The following FAM167A variants were observed in gnomAD, a reference collection of about 807,000 sequenced individuals.
FAM167A encodes family with sequence similarity 167 member A.
In FAM167A, 23 loss-of-function variants were observed where a neutral mutation model predicts 14.9. The ratio of observed to expected loss-of-function variants is 1.55; its 90% CI spans 1.11 to 2.19. The LOEUF (loss-of-function observed/expected upper bound fraction) is 2.19, where lower values mean the gene tolerates loss of function less well. Among genes scored for constraint, FAM167A ranks in the 30% most tolerant of loss-of-function variants. The probability of loss-of-function intolerance (pLI) is 0.00; values close to 1 mark genes in which losing one functional copy is unlikely to be tolerated. For missense variants in FAM167A, 401 were observed against 281.5 expected (o/e 1.42, Z -3.04); for synonymous variants, 174 against 117.7 (o/e 1.48, Z -3.10).
At position 11,422,373 on chromosome 8, in the gene FAM167A, G is replaced by GGGGGTGTGTGTGTGT. The variant is rs878997464; in HGVS notation, c.*1999_*2000insACACACACACACCCC. 3.3e-5 allele frequency: 4 copies of GGGGGTGTGTGTGTGT among 120,194 alleles called. No individual in the cohort carries two copies. Among genetic ancestry groups the GGGGGTGTGTGTGTGT allele is most frequent in the Admixed American group, 8.1e-5 (1 of 12,284 alleles). 7.4% of individuals were successfully genotyped at this position (120,194 alleles called of 1,614,324 possible). A position where few individuals can be genotyped will look rare whatever the true frequency, so the allele number is the denominator to read the frequency against. On this transcript the variant is annotated 3_prime_UTR_variant, in exon 3 of 3. Coordinates refer to ENST00000284486, the MANE Select transcript of FAM167A (RefSeq NM_053279.3). ...TCTCTGTCGTGTGTGTGTGTGTGGGGGTGTGTGTGTGTGTGTGTGTGTGTG... is the reference window on the plus strand; with the variant it reads ...TCTCTGTCGTGTGTGTGTGTGTGGGGGGGGTGTGTGTGTGTGTGTGTGTGTGTGTGTGTGTGTGTG...
At chr8:11,426,389 G>C (rs1186367284) in intron 2 of FAM167A, among the ~76,000 whole-genome samples, 34 of 152,162 alleles carry the variant, frequency 2.2e-4, no homozygotes, top group Admixed American at 2.2e-3. Flanking sequence ...CCTGGCCCAT[G>C]GTCACTTACA....
At chr8:11,475,362 C>T (rs1797843150) in intron 1 of FAM167A, among the ~76,000 whole-genome samples, 1 of 152,168 alleles carries the variant, frequency 6.6e-6, no homozygotes, top group South Asian at 2.1e-4. Flanking sequence ...GATCTGTTGG[C>T]AATTGCAAAT....
chr8:11,428,957 G>C (rs995504238), intron 2 of FAM167A, among the ~76,000 whole-genome samples: 8 of 152,182 alleles, frequency 5.3e-5, no homozygotes, highest in Middle Eastern at 3.2e-3. Flanking sequence ...TTTTTTTCTA[G>C]TTGTGATAAA....
At chr8:11,460,590 C>T (rs897930499) in intron 1 of FAM167A, among the ~76,000 whole-genome samples, 1 of 152,242 alleles carries the variant, frequency 6.6e-6, no homozygotes, top group Non-Finnish European at 1.5e-5. Flanking sequence ...TAGAAGCTTC[C>T]GTTTCCACAC....
intron 1 of FAM167A, among the ~76,000 whole-genome samples, chr8:11,456,061 CTG>C (rs1314777056): frequency 1.1e-5 from 1 of 94,214 alleles, no homozygotes; most frequent in Admixed American, 1.2e-4. Flanking sequence ...GGTTGCCTTG[CTG>C]TGTGTGAGTG....
At chr8:11,473,330 GA>G (rs1362458717) in intron 1 of FAM167A, among the ~76,000 whole-genome samples, 1 of 152,194 alleles carries the variant, frequency 6.6e-6, no homozygotes, top group African/African-American at 2.4e-5. Flanking sequence ...CTGTCATCAG[GA>G]AGGCCGAGAC....
intron 2 of FAM167A, among the ~76,000 whole-genome samples, chr8:11,427,859 A>G (rs10088942): frequency 0.29 from 43,967 of 152,158 alleles, 6,881 homozygotes; most frequent in African/African-American, 0.37. Context: ...ATTTATTGCT[A>G]ATTAAATTCT....
chr8:11,456,711 G>A (rs1477334297), intron 1 of FAM167A, among the ~76,000 whole-genome samples: 4 of 151,604 alleles, frequency 2.6e-5, no homozygotes, highest in African/African-American at 7.3e-5. Context: ...TGTTAGGGAT[G>A]TAGGTGTGGC....
At chr8:11,466,332 A>C (rs1807764739) in intron 1 of FAM167A, among the ~76,000 whole-genome samples, 1 of 151,944 alleles carries the variant, frequency 6.6e-6, no homozygotes, top group African/African-American at 2.4e-5. Context: ...CAGACCCCGA[A>C]CCTCCACCCA....
Position 11,424,228 on chromosome 8 carries a change from G to A in FAM167A, c.*145C>T, listed in dbSNP as rs534004738. On this transcript the variant is annotated 3_prime_UTR_variant, in exon 3 of 3. Coordinates refer to ENST00000284486, the MANE Select transcript of FAM167A (RefSeq NM_053279.3). Reference sequence around the variant, plus strand: ...GGCCCCTGGGTGGGAGAGCACCACTGAATAGGTCCTGGGGCCCTTGAGTCG... The same window carrying A: ...GGCCCCTGGGTGGGAGAGCACCACTAAATAGGTCCTGGGGCCCTTGAGTCG... 1 of 1,029,312 alleles carries A rather than the reference G, an allele frequency of 9.7e-7. No homozygotes were observed. The highest frequency in any genetic ancestry group is 1.4e-6 in the Non-Finnish European group (1 of 717,714). The allele number at this position is 1,029,312 out of a possible 1,614,324, so 63.8% of individuals were successfully genotyped here.
chr8:11,436,133 C>T (rs545098329), intron 2 of FAM167A, among the ~76,000 whole-genome samples: 1 of 152,216 alleles, frequency 6.6e-6, no homozygotes, highest in Admixed American at 6.5e-5. Flanking sequence ...CAAGCATGGT[C>T]CGGGGTTGGG....
intron 2 of FAM167A, among the ~76,000 whole-genome samples, chr8:11,431,297 C>G (rs758611080): frequency 1.3e-5 from 2 of 152,226 alleles, no homozygotes; most frequent in Non-Finnish European, 2.9e-5. Flanking sequence ...ACACTAAAGG[C>G]CAAATACCGT....
chr8:11,439,093 ATG>A (rs1485316629), intron 2 of FAM167A, among the ~76,000 whole-genome samples: 2 of 152,202 alleles, frequency 1.3e-5, no homozygotes, highest in African/African-American at 4.8e-5. Context: ...GAACCAAGTG[ATG>A]TGTGTCTGTG....
chr8:11,454,588 T>G (rs1306823107), intron 1 of FAM167A, among the ~76,000 whole-genome samples: 1 of 152,238 alleles, frequency 6.6e-6, no homozygotes, highest in Non-Finnish European at 1.5e-5. Context: ...AGGGGTTTCA[T>G]ACACAGAAAA....
At chr8:11,436,598 G>A (rs750972579) in intron 2 of FAM167A, among the ~76,000 whole-genome samples, 1 of 152,172 alleles carries the variant, frequency 6.6e-6, no homozygotes, top group Non-Finnish European at 1.5e-5. Context: ...AATTCCACCT[G>A]CAGGAAGGCC....
chr8:11,437,424 G>T (rs545850724), intron 2 of FAM167A, among the ~76,000 whole-genome samples: 1 of 152,132 alleles, frequency 6.6e-6, no homozygotes, highest in Non-Finnish European at 1.5e-5. Context: ...CCTGCTCAAC[G>T]CGCTGCCAAG....
chr8:11,462,302 A>G (rs371104071), intron 1 of FAM167A, among the ~76,000 whole-genome samples: 1 of 152,238 alleles, frequency 6.6e-6, no homozygotes, highest in Non-Finnish European at 1.5e-5. Flanking sequence ...TACTAGTTCT[A>G]TGACCTTGAT....
intron 1 of FAM167A, among the ~76,000 whole-genome samples, chr8:11,452,442 C>T (rs1267431749): frequency 6.6e-6 from 1 of 152,116 alleles, no homozygotes. Context: ...GGGAGTGGTG[C>T]CTCTGGGCTG....
intron 1 of FAM167A, among the ~76,000 whole-genome samples, chr8:11,462,129 T>C (rs1345824319): frequency 6.6e-6 from 1 of 152,254 alleles, no homozygotes; most frequent in Non-Finnish European, 1.5e-5. Flanking sequence ...TTTGCTTCCC[T>C]GCCGTGTCAG....
Sources: gnomAD v4.1 joint callset for allele counts (sites outside exome capture counted in the v4.1 genomes callset) on GRCh38, gnomAD v4.1.1 for gene constraint, MANE v1.5 for transcripts, NCBI Gene and HGNC (gene_info 2026-07-23, HGNC 2026-07-21) for gene names.